The following MSRA variants were observed in gnomAD, a reference collection of about 807,000 sequenced individuals.
The protein encoded by MSRA is methionine sulfoxide reductase A.
Under a neutral mutation model 31.3 loss-of-function variants are expected in MSRA, and 54 were observed. That is an observed-to-expected ratio of 1.73 (90% CI 1.39 to 2.17). MSRA has a LOEUF of 2.17. Ranked by LOEUF, MSRA falls within the 30% of genes most tolerant of loss-of-function variation. MSRA has a pLI of 0.00. For missense variants in MSRA, 507 were observed against 300.9 expected (o/e 1.69, Z -5.07); for synonymous variants, 169 against 116.5 (o/e 1.45, Z -2.90).
chr8:10,397,240 T>C lies in MSRA; in HGVS notation c.544-30908T>C, dbSNP rs116768382. Among the ~76,000 whole-genome samples the C allele has an allele frequency of 1.8e-3, 272 of 152,308 alleles. 5 individuals carry two copies. Among genetic ancestry groups the C allele is most frequent in the African/African-American group, 6.2e-3 (258 of 41,568 alleles). Reference sequence around the variant, plus strand: ...TAATGCTTGTGGAACAAAGTAGAGGTATGAACAAACCAGTGCGCAAATATT... The same window carrying C: ...TAATGCTTGTGGAACAAAGTAGAGGCATGAACAAACCAGTGCGCAAATATT... On this transcript the variant is annotated intron_variant, in intron 5 of 5. Transcript: ENST00000317173.
At chr8:10,417,634 A>G (rs1413178735) in intron 5 of MSRA, among the ~76,000 whole-genome samples, 1 of 151,782 alleles carries the variant, frequency 6.6e-6, no homozygotes, top group African/African-American at 2.4e-5. Flanking sequence ...TTTAAAAGCC[A>G]TCCCAGTCAT....
intron 5 of MSRA, among the ~76,000 whole-genome samples, chr8:10,342,335 G>T (rs561128781): frequency 6.6e-6 from 1 of 152,090 alleles, no homozygotes; most frequent in Non-Finnish European, 1.5e-5. Flanking sequence ...AAAAAAACCC[G>T]AACACACATT....
chr8:10,228,478 T>C (rs1232967109), intron 2 of MSRA, among the ~76,000 whole-genome samples: 3 of 152,132 alleles, frequency 2.0e-5, no homozygotes, highest in African/African-American at 7.2e-5. Context: ...TGCATGTCAT[T>C]TATCAGGTGC....
Position 10,235,226 on chromosome 8 carries a change from A to G in MSRA, c.212-9878A>G, listed in dbSNP as rs117068165. ...AATAATGAAGACCACATTCTCTAAC[A>G]TGATGCAATCAAATCGGAAATAAAA... On this transcript the variant is annotated intron_variant, in intron 2 of 5. Transcript: ENST00000317173. 8.4e-3 allele frequency among the ~76,000 whole-genome samples: 1,276 copies of G among 152,282 alleles called. 14 individuals carry two copies. The highest frequency in any genetic ancestry group is 0.051 in the South Asian group (245 of 4,830).
chr8:10,289,411 T>C (rs1022224992), intron 3 of MSRA, among the ~76,000 whole-genome samples: 3 of 152,026 alleles, frequency 2.0e-5, no homozygotes, highest in African/African-American at 7.3e-5. Flanking sequence ...GTATATATAT[T>C]TATGGGGTAC....
At chr8:10,251,483 G>A (rs1265441594) in intron 3 of MSRA, among the ~76,000 whole-genome samples, 1 of 152,108 alleles carries the variant, frequency 6.6e-6, no homozygotes, top group Admixed American at 6.5e-5. Context: ...AAGAATTCTG[G>A]TGTTCAGTTC....
chr8:10,326,886 C>T (rs946298862), intron 5 of MSRA, among the ~76,000 whole-genome samples: 3 of 152,224 alleles, frequency 2.0e-5, no homozygotes, highest in East Asian at 1.9e-4. Flanking sequence ...GGGTGGTTCA[C>T]GTGTAATTCT....
At chr8:10,142,752 A>G (rs764648368) in intron 1 of MSRA, among the ~76,000 whole-genome samples, 59 of 152,304 alleles carry the variant, frequency 3.9e-4, no homozygotes, top group Non-Finnish European at 5.1e-4. Context: ...GATAAGATCT[A>G]TTTTGTAAAG....
intron 1 of MSRA, among the ~76,000 whole-genome samples, chr8:10,120,006 G>A (rs575240783): frequency 6.6e-5 from 10 of 152,248 alleles, no homozygotes; most frequent in South Asian, 6.2e-4. Flanking sequence ...GGAGAGGGTC[G>A]CCCTGTAGGA....
chr8:10,325,920 A>C (rs923268098), intron 5 of MSRA, among the ~76,000 whole-genome samples: 5 of 152,022 alleles, frequency 3.3e-5, no homozygotes, highest in African/African-American at 1.2e-4. Flanking sequence ...ATTTCTTAAC[A>C]CTCCTGGATT....
At chr8:10,317,721 C>G (rs756406814) in intron 4 of MSRA, among the ~76,000 whole-genome samples, 5 of 152,174 alleles carry the variant, frequency 3.3e-5, no homozygotes, top group Non-Finnish European at 5.9e-5. Flanking sequence ...ATCAAGACAG[C>G]CAAATAGTGT....
At chr8:10,366,158 G>T (rs186150130) in intron 5 of MSRA, among the ~76,000 whole-genome samples, 1 of 152,246 alleles carries the variant, frequency 6.6e-6, no homozygotes, top group Admixed American at 6.5e-5. Flanking sequence ...GAGCAGATGG[G>T]CTCGGAGGAG....
rs535671254 is a variant in MSRA, at chr8:10,373,429, C to T, written c.543+53440C>T. Among the ~76,000 whole-genome samples, 10 of 152,334 alleles carry T rather than the reference C, an allele frequency of 6.6e-5. No individual in the cohort carries two copies. In the East Asian group the frequency reaches 1.2e-3, roughly 18 times the overall value. On this transcript the variant is annotated intron_variant, in intron 5 of 5. Coordinates refer to ENST00000317173, the MANE Select transcript of MSRA (RefSeq NM_012331.5). The stretch of plus-strand genomic sequence containing the variant: ...TGTTGCACAGGCATGTGCGGTGGCA[C>T]GATCCCTGCTCACTGCAGCCTTGAA...
Position 10,223,966 on chromosome 8 carries a change from C to G in MSRA, c.211+16065C>G, listed in dbSNP as rs868804384. On this transcript the variant is annotated intron_variant, in intron 2 of 5. Transcript: ENST00000317173. ...ACAGACTTGGACTCACACCTGGGTT[C>G]AAATCCCAGCTCTACCTAATCTAAC... Among the ~76,000 whole-genome samples the G allele has an allele frequency of 5.3e-5, 8 of 152,310 alleles. No homozygotes were observed. In the South Asian group the frequency reaches 6.2e-4, roughly 12 times the overall value.
At chr8:10,402,541 T>C (rs1280973126) in intron 5 of MSRA, among the ~76,000 whole-genome samples, 1 of 152,216 alleles carries the variant, frequency 6.6e-6, no homozygotes, top group East Asian at 1.9e-4. Flanking sequence ...TAGCCCAAGA[T>C]GCCCACTGGA....
At chr8:10,289,748 G>A (rs1485409802) in intron 3 of MSRA, among the ~76,000 whole-genome samples, 1 of 152,192 alleles carries the variant, frequency 6.6e-6, no homozygotes, top group Non-Finnish European at 1.5e-5. Flanking sequence ...GTGGAACACA[G>A]ACACTTTTAG....
rs560806838 is a variant in MSRA, at chr8:10,328,262, C to T, written c.543+8273C>T. On this transcript the variant is annotated intron_variant, in intron 5 of 5. Transcript: ENST00000317173. ...CCCTCCTCCCTCCCCCCTCCCCACT[C>T]ATTGACACCCTTCCCCATCGGGTCA... 2.3e-5 allele frequency among the ~76,000 whole-genome samples: 3 copies of T among 133,322 alleles called. No homozygotes were observed. In the Admixed American group the frequency reaches 2.3e-4, roughly 10 times the overall value. 87.5% of individuals were successfully genotyped at this position (133,322 alleles called of 152,430 possible). A position where few individuals can be genotyped will look rare whatever the true frequency, so the allele number is the denominator to read the frequency against.
At chr8:10,403,631 G>A (rs1807606231) in intron 5 of MSRA, among the ~76,000 whole-genome samples, 1 of 152,246 alleles carries the variant, frequency 6.6e-6, no homozygotes, top group African/African-American at 2.4e-5. Flanking sequence ...TGTGCCTCGT[G>A]TGTGTCTGTG....
intron 1 of MSRA, among the ~76,000 whole-genome samples, chr8:10,085,540 A>G (rs572671073): frequency 4.9e-4 from 74 of 152,332 alleles, no homozygotes; most frequent in African/African-American, 1.7e-3. Context: ...CCTTGAAGGC[A>G]TGATACGGTA....
Sources: gnomAD v4.1 joint callset for allele counts (sites outside exome capture counted in the v4.1 genomes callset) on GRCh38, gnomAD v4.1.1 for gene constraint, MANE v1.5 for transcripts, NCBI Gene and HGNC (gene_info 2026-07-23, HGNC 2026-07-21) for gene names.